Variants in MYOM1 observed in about 807,000 individuals in gnomAD.
MYOM1 encodes myomesin-1.
Under a neutral mutation model 205.3 loss-of-function variants are expected in MYOM1, and 164 were observed. The observed-to-expected ratio is 0.80, with a 90% confidence interval of 0.70 to 0.91. The LOEUF (loss-of-function observed/expected upper bound fraction) is 0.91, where lower values mean the gene tolerates loss of function less well. Ranked by LOEUF, MYOM1 falls within the 40% of genes least tolerant of loss-of-function variation. The pLI is 0.00. For synonymous variants in MYOM1, 772 were observed against 789.4 expected (o/e 0.98, Z 0.37); for missense variants, 2,011 against 2,127.3 (o/e 0.95, Z 1.08).
chr18:3,070,736 TTGTG>T (rs57044157), intron 37 of MYOM1, among the ~76,000 whole-genome samples: 17,622 of 146,058 alleles, frequency 0.12, 1,106 homozygotes, highest in African/African-American at 0.16. Flanking sequence ...TGCATGTTCT[TTGTG>T]TGTGTGTGTG....
chr18:3,187,646 A>G lies in MYOM1; in HGVS notation c.772-9T>C. 1.9e-6 allele frequency: 3 copies of G among 1,579,998 alleles called. No individual in the cohort carries two copies. Among genetic ancestry groups the G allele is most frequent in the South Asian group, 2.3e-5 (2 of 87,886 alleles). On this transcript the variant is annotated splice_polypyrimidine_tract_variant and intron_variant, in intron 4 of 37. Coordinates refer to ENST00000356443, the MANE Select transcript of MYOM1 (RefSeq NM_003803.4). ...GTCTCGGTTTCTTCTAACTGAAAAA[A>G]CAAATATGCAAACAAACATATTACC...
chr18:3,104,598 G>A (rs2079425540), intron 22 of MYOM1, among the ~76,000 whole-genome samples: 1 of 152,122 alleles, frequency 6.6e-6, no homozygotes, highest in Non-Finnish European at 1.5e-5. Context: ...TTCTCTAAAT[G>A]CTGTAGATAA....
chr18:3,067,461 T>C lies in MYOM1; in HGVS notation c.4859A>G (p.Asn1620Ser). Residue 1620 changes from asparagine (N) to serine (S), a missense_variant, in exon 38 of 38, where the codon AAC (asparagine) becomes AGC (serine). Asn to Ser is a conservative substitution (Grantham distance 46). Coordinates refer to ENST00000356443, the MANE Select transcript of MYOM1 (RefSeq NM_003803.4). The stretch of plus-strand genomic sequence containing the variant: ...GGTCCTCCCAGCCTCGAACTTGAGG[T>C]TGCAGTGGTCGTCTGAGGCCAGGGC... ...EKALASDDHC[N>S]LKFEAGRTAY... 2 of 1,613,770 alleles carry C rather than the reference T, an allele frequency of 1.2e-6. No homozygotes were observed. Among genetic ancestry groups the C allele is most frequent in the South Asian group, 1.1e-5 (1 of 91,070 alleles).
At chr18:3,223,101 G>A (rs1248170754), upstream of MYOM1, among the ~76,000 whole-genome samples, 2 of 152,094 alleles carry the variant, frequency 1.3e-5, no homozygotes, top group Admixed American at 6.6e-5. Flanking sequence ...GGATGGTCTC[G>A]AACTCCTGAG....
intron 25 of MYOM1, among the ~76,000 whole-genome samples, chr18:3,096,141 G>A (rs776151547): frequency 3.3e-5 from 5 of 152,144 alleles, no homozygotes; most frequent in African/African-American, 4.8e-5. Context: ...AGCAAATGTG[G>A]CCGTGCCTAC....
chr18:3,159,630 A>G (rs2080352358), intron 10 of MYOM1, among the ~76,000 whole-genome samples: 1 of 152,238 alleles, frequency 6.6e-6, no homozygotes, highest in African/African-American at 2.4e-5. Flanking sequence ...AAAAGGATGC[A>G]TATCCATGTA....
the MYOM1 span, among the ~76,000 whole-genome samples, chr18:3,225,544 G>C: frequency 3.9e-3 from 597 of 152,268 alleles, 7 homozygotes; most frequent in African/African-American, 0.013. Context: ...AATACAGAGG[G>C]GGAGGAGTGA....
intron 23 of MYOM1, among the ~76,000 whole-genome samples, 181 bp downstream of exon 23, chr18:3,102,293 C>T (rs934380231): frequency 6.6e-5 from 10 of 152,034 alleles, no homozygotes; most frequent in Middle Eastern, 3.2e-3. Flanking sequence ...TGTGAGCCAC[C>T]GCGCTCGGCC....
At chr18:3,147,078 A>G (rs1181667232) in intron 13 of MYOM1, among the ~76,000 whole-genome samples, 2 of 143,208 alleles carry the variant, frequency 1.4e-5, no homozygotes, top group African/African-American at 5.3e-5. Context: ...TATCTTATAT[A>G]TAAATATTAT....
At chr18:3,227,709 C>CT in the MYOM1 span, among the ~76,000 whole-genome samples, 1 of 152,050 alleles carries the variant, frequency 6.6e-6, no homozygotes, top group South Asian at 2.1e-4. Context: ...ATCCCAGCTA[C>CT]TTGGGAGGCT....
At chr18:3,115,782 T>C (rs1365571346) in intron 21 of MYOM1, among the ~76,000 whole-genome samples, 1 of 152,056 alleles carries the variant, frequency 6.6e-6, no homozygotes, top group Non-Finnish European at 1.5e-5. Flanking sequence ...ATGAGCACAC[T>C]CTAGAGGAAC....
chr18:3,122,880 T>C (rs1328869304), intron 19 of MYOM1, among the ~76,000 whole-genome samples: 1 of 152,216 alleles, frequency 6.6e-6, no homozygotes, highest in African/African-American at 2.4e-5. Flanking sequence ...TAACCGATAA[T>C]AGATGTCTAC....
intron 5 of MYOM1, among the ~76,000 whole-genome samples, chr18:3,177,659 G>C (rs1387426251): frequency 2.0e-5 from 3 of 152,122 alleles, no homozygotes; most frequent in South Asian, 2.1e-4. Flanking sequence ...TTTTAGTACA[G>C]ATGGGGTTTC....
At chr18:3,165,432 T>C (rs532165614) in intron 9 of MYOM1, among the ~76,000 whole-genome samples, 2 of 152,352 alleles carry the variant, frequency 1.3e-5, no homozygotes, top group South Asian at 4.1e-4. Context: ...GTGGTAATTT[T>C]AAAACTGTCT....
intron 22 of MYOM1, among the ~76,000 whole-genome samples, chr18:3,103,860 G>A (rs1369510579): frequency 2.0e-5 from 3 of 152,176 alleles, no homozygotes; most frequent in African/African-American, 4.8e-5. Context: ...ACTTGTGTCC[G>A]TACAGATGGC....
At chr18:3,205,006 A>G (rs1465933695) in intron 2 of MYOM1, among the ~76,000 whole-genome samples, 1 of 152,106 alleles carries the variant, frequency 6.6e-6, no homozygotes, top group East Asian at 1.9e-4. Flanking sequence ...AATCAGTTGT[A>G]CTGTAAACCC....
chr18:3,146,775 G>T (rs867941759), intron 13 of MYOM1, among the ~76,000 whole-genome samples: 57 of 151,616 alleles, frequency 3.8e-4, no homozygotes, highest in African/African-American at 1.3e-3. Flanking sequence ...GAGCAATAAG[G>T]AAAGAAAAAG....
At position 3,188,859 on chromosome 18, in the gene MYOM1, A is replaced by ACTGCCTGGATGCCATG. The variant is rs767375201; in HGVS notation, c.659_660insCATGGCATCCAGGCAG (p.Val221MetfsTer22). On this transcript the variant is annotated frameshift_variant, in exon 4 of 38. Coordinates refer to ENST00000356443, the MANE Select transcript of MYOM1 (RefSeq NM_003803.4). LOFTEE classifies it high-confidence loss of function. ...CGGATGTGGCCTGTTTGGAAACCAC[A>ACTGCCTGGATGCCATG]GACTGCCTGGATGCCGTGGACTGCC... The ACTGCCTGGATGCCATG allele has an allele frequency of 1.5e-5, 25 of 1,613,082 alleles. No individual in the cohort carries two copies. The African/African-American group carries it at 2.0e-4, about 13-fold the overall frequency.
intron 34 of MYOM1, among the ~76,000 whole-genome samples, chr18:3,077,683 C>G (rs1269214835): frequency 1.3e-5 from 2 of 152,294 alleles, no homozygotes; most frequent in African/African-American, 2.4e-5. Context: ...GTTAAATAAG[C>G]TTTGGTGAAC....
Sources: gnomAD v4.1 joint callset for allele counts (sites outside exome capture counted in the v4.1 genomes callset) on GRCh38, gnomAD v4.1.1 for gene constraint, MANE v1.5 for transcripts, NCBI Gene and HGNC (gene_info 2026-07-23, HGNC 2026-07-21) for gene names.